ITFG1: variants seen among roughly 807,000 people sequenced by gnomAD.
ITFG1 encodes the protein integrin alpha FG-GAP repeat containing 1.
Under a neutral mutation model 81.8 loss-of-function variants are expected in ITFG1, and 34 were observed. That is an observed-to-expected ratio of 0.42 (90% CI 0.32 to 0.55). ITFG1 has a LOEUF of 0.55. Ranked by LOEUF, ITFG1 falls within the 20% of genes least tolerant of loss-of-function variation. ITFG1 has a pLI of 0.17. For synonymous variants in ITFG1, 285 were observed against 270.6 expected (o/e 1.05, Z -0.52); for missense variants, 672 against 755.4 (o/e 0.89, Z 1.29).
chr16:47,450,836 G>A (rs1184962540), intron 5 of ITFG1, among the ~76,000 whole-genome samples: 6 of 152,274 alleles, frequency 3.9e-5, no homozygotes, highest in Non-Finnish European at 1.5e-5. Context: ...AATTACAATG[G>A]ATATCTTGGA....
intron 14 of ITFG1, among the ~76,000 whole-genome samples, chr16:47,181,378 G>A (rs1319195715): frequency 6.9e-6 from 1 of 144,296 alleles, no homozygotes; most frequent in Non-Finnish European, 1.5e-5. Context: ...CGCCCGGCCA[G>A]CCACCCCGTC....
At position 47,410,886 on chromosome 16, in the gene ITFG1, C is replaced by T. The variant is rs75644540; in HGVS notation, c.655+17918G>A. ...ATGGGGACCCATTCCCCAAGGCTCT[C>T]CATCTTCTTCTGGGTAGCTCTAACC... On this transcript the variant is annotated intron_variant, in intron 6 of 17. Coordinates refer to ENST00000320640, the MANE Select transcript of ITFG1 (RefSeq NM_030790.5). Among the ~76,000 whole-genome samples, 23 of 152,310 alleles carry T rather than the reference C, an allele frequency of 1.5e-4. No individual in the cohort carries two copies. In the East Asian group the frequency reaches 4.3e-3, roughly 28 times the overall value.
Position 47,459,192 on chromosome 16 carries a change from T to G in ITFG1, c.209-17A>C, listed in dbSNP as rs772199050. On this transcript the variant is annotated splice_polypyrimidine_tract_variant and intron_variant, in intron 1 of 17. Transcript: ENST00000320640. The stretch of plus-strand genomic sequence containing the variant: ...AGTCATTTCCTAAAGAAAACAAATA[T>G]ATGATATTAGAAAAATGTTTGTTGA... The G allele has an allele frequency of 1.4e-5, 21 of 1,494,622 alleles. No individual in the cohort carries two copies. The highest frequency in any genetic ancestry group is 1.9e-5 in the Non-Finnish European group (20 of 1,072,358). The allele number at this position is 1,494,622 out of a possible 1,614,324, so 92.6% of individuals were successfully genotyped here. A position where few individuals can be genotyped will look rare whatever the true frequency, so the allele number is the denominator to read the frequency against.
intron 6 of ITFG1, among the ~76,000 whole-genome samples, chr16:47,397,865 G>T (rs1433944419): frequency 6.6e-6 from 1 of 152,192 alleles, no homozygotes; most frequent in Non-Finnish European, 1.5e-5. Context: ...ACGGGAACTA[G>T]CCTCTACCTT....
chr16:47,250,046 CT>C (rs1442299371), intron 12 of ITFG1, among the ~76,000 whole-genome samples: 1 of 152,152 alleles, frequency 6.6e-6, no homozygotes, highest in African/African-American at 2.4e-5. Flanking sequence ...TGTCTTTAAG[CT>C]TTGTTTCTTT....
chr16:47,315,238 G>A lies in ITFG1; in HGVS notation c.803-1415C>T, dbSNP rs9921607. ...GACTACTGAGAATTAAATAGATTGA[G>A]AGACAAAGATGCAATTCTAGGCAGG... On this transcript the variant is annotated intron_variant, in intron 8 of 17. Transcript: ENST00000320640. Among the ~76,000 whole-genome samples the A allele has an allele frequency of 4.2e-3, 638 of 151,644 alleles. 6 individuals are homozygous for A. Among genetic ancestry groups the A allele is most frequent in the African/African-American group, 0.015 (609 of 41,374 alleles).
intron 2 of ITFG1, among the ~76,000 whole-genome samples, chr16:47,455,828 G>C (rs974224186): frequency 7.5e-6 from 1 of 133,160 alleles, no homozygotes; most frequent in Non-Finnish European, 1.6e-5. Flanking sequence ...AGAAAGTTGA[G>C]AAAACCTCCT....
At chr16:47,204,486 G>T (rs73538916) in intron 14 of ITFG1, among the ~76,000 whole-genome samples, 2,233 of 152,244 alleles carry the variant, frequency 0.015, 60 homozygotes, top group African/African-American at 0.052. Flanking sequence ...TTAGCTAATA[G>T]AAATGCTTTC....
At chr16:47,305,186 C>T (rs1219523011) in intron 10 of ITFG1, among the ~76,000 whole-genome samples, 1 of 152,120 alleles carries the variant, frequency 6.6e-6, no homozygotes, top group Non-Finnish European at 1.5e-5. Flanking sequence ...ATTTACTACT[C>T]TCTCTCTGTA....
chr16:47,308,502 A>T (rs1967205329), intron 10 of ITFG1, among the ~76,000 whole-genome samples: 1 of 152,252 alleles, frequency 6.6e-6, no homozygotes, highest in Non-Finnish European at 1.5e-5. Flanking sequence ...AATGCAGATT[A>T]TAACTGAATT....
chr16:47,439,086 C>T (rs1160590198), intron 5 of ITFG1, among the ~76,000 whole-genome samples: 6 of 151,836 alleles, frequency 4.0e-5, no homozygotes, highest in Admixed American at 2.6e-4. Flanking sequence ...AGGGTATGAG[C>T]GATGGAAGAC....
chr16:47,357,143 A>G (rs1485557262), intron 8 of ITFG1, among the ~76,000 whole-genome samples: 3 of 152,188 alleles, frequency 2.0e-5, no homozygotes, highest in Non-Finnish European at 4.4e-5. Context: ...GCTTAGAGTG[A>G]CAAATATTCC....
Position 47,258,638 on chromosome 16 carries a change from C to CT in ITFG1, c.1323dup (p.Val442SerfsTer5). The CT allele has an allele frequency of 7.2e-7, 1 of 1,379,508 alleles. No homozygotes were observed. The allele number at this position is 1,379,508 out of a possible 1,614,324, so 85.5% of individuals were successfully genotyped here. A position where few individuals can be genotyped will look rare whatever the true frequency, so the allele number is the denominator to read the frequency against. ...ATGTTAGTACTTTACTCACCAATAA[C>CT]TTTAACAAAATAAGCATCTGCTTCA... On this transcript the variant is annotated frameshift_variant, in exon 12 of 18. Coordinates refer to ENST00000320640, the MANE Select transcript of ITFG1 (RefSeq NM_030790.5). LOFTEE classifies it high-confidence loss of function.
At chr16:47,392,352 C>G (rs115674644) in intron 6 of ITFG1, among the ~76,000 whole-genome samples, 2 of 152,274 alleles carry the variant, frequency 1.3e-5, no homozygotes, top group African/African-American at 4.8e-5. Context: ...GGAAGAGCGT[C>G]CTGCTGGGCC....
At chr16:47,246,711 T>C (rs553667713) in intron 12 of ITFG1, among the ~76,000 whole-genome samples, 1 of 152,298 alleles carries the variant, frequency 6.6e-6, no homozygotes, top group Non-Finnish European at 1.5e-5. Flanking sequence ...TTAGCTACAT[T>C]CAGTAATGAT....
At chr16:47,417,221 T>C (rs1009205560) in intron 6 of ITFG1, among the ~76,000 whole-genome samples, 1 of 152,224 alleles carries the variant, frequency 6.6e-6, no homozygotes, top group Non-Finnish European at 1.5e-5. Context: ...ACAACTACAA[T>C]AATTAACATT....
At chr16:47,206,117 C>G (rs1322881651) in intron 14 of ITFG1, among the ~76,000 whole-genome samples, 1 of 152,122 alleles carries the variant, frequency 6.6e-6, no homozygotes, top group Admixed American at 6.5e-5. Flanking sequence ...CCACCCACCT[C>G]GGCTTCCCAA....
At chr16:47,408,804 A>T (rs2151601969) in intron 6 of ITFG1, among the ~76,000 whole-genome samples, 1 of 152,330 alleles carries the variant, frequency 6.6e-6, no homozygotes, top group East Asian at 1.9e-4. Context: ...GTAGGGCAGG[A>T]GTTTGCAAGC....
At chr16:47,257,334 A>G (rs1966151459) in intron 12 of ITFG1, among the ~76,000 whole-genome samples, 1 of 152,178 alleles carries the variant, frequency 6.6e-6, no homozygotes, top group Admixed American at 6.5e-5. Context: ...ATTTCCATAC[A>G]CTAAAATATG....
Sources: gnomAD v4.1 joint callset for allele counts (sites outside exome capture counted in the v4.1 genomes callset) on GRCh38, gnomAD v4.1.1 for gene constraint, MANE v1.5 for transcripts, NCBI Gene and HGNC (gene_info 2026-07-23, HGNC 2026-07-21) for gene names.